The following XKR3 variants were observed in gnomAD, a reference collection of about 807,000 sequenced individuals.
XKR3 encodes the protein XK related 3.
A neutral mutation model predicts 40.3 loss-of-function variants in XKR3; 27 were observed. The observed-to-expected ratio is 0.67, with a 90% CI of 0.49 to 0.92. XKR3 has a LOEUF of 0.92. Ranked by LOEUF, XKR3 falls within the 40% of genes least tolerant of loss-of-function variation. The pLI is 0.00. For missense variants in XKR3, 472 were observed against 537.6 expected (o/e 0.88, Z 1.21); for synonymous variants, 193 against 195.4 (o/e 0.99, Z 0.10).
intron 3 of XKR3, among the ~76,000 whole-genome samples, chr22:16,795,966 CA>C (rs1278869310): frequency 2.1e-5 from 3 of 140,234 alleles, no homozygotes; most frequent in Non-Finnish European, 3.2e-5. Flanking sequence ...AACTCAGTCT[CA>C]AAAAAAAAGG....
intron 3 of XKR3, 31 bp downstream of exon 3, chr22:16,799,740 G>A (rs375886528): frequency 5.5e-5 from 88 of 1,609,904 alleles, no homozygotes; most frequent in Middle Eastern, 5.0e-4. Flanking sequence ...TGACCTTTGT[G>A]TGTCTTTCAG....
chr22:16,792,597 A>G (rs1351398520), intron 3 of XKR3, among the ~76,000 whole-genome samples: 2 of 152,210 alleles, frequency 1.3e-5, no homozygotes, highest in Non-Finnish European at 2.9e-5. Flanking sequence ...ACTGCTTCTC[A>G]TTTGGTTTGA....
At position 16,783,668 on chromosome 22, in the gene XKR3, C is replaced by A; in HGVS notation, c.1331G>T (p.Cys444Phe). Residue 444 changes from cysteine to phenylalanine, a missense_variant, in exon 4 of 4, where the codon TGC becomes TTC. Transcript: ENST00000684488. ...NKQLRNYCHS[C>F]NRVGYFSIRK... is the part of the protein sequence containing the mutation. ...GATTGAAAAATATCCAACCCTATTG[C>A]AGGAGTGACAGTAATTCCTCAGCTG... 6.2e-7 allele frequency: 1 copy of A among 1,610,260 alleles called. No individual in the cohort carries two copies. Among genetic ancestry groups the A allele is most frequent in the South Asian group, 1.1e-5 (1 of 90,266 alleles).
chr22:16,799,200 T>G (rs1302253908), intron 3 of XKR3, among the ~76,000 whole-genome samples: 2 of 151,594 alleles, frequency 1.3e-5, no homozygotes, highest in Non-Finnish European at 2.9e-5. Context: ...GATCACGAGG[T>G]CAGGAGATCG....
At chr22:16,810,351 C>A (rs2060207572) in intron 1 of XKR3, among the ~76,000 whole-genome samples, 1 of 152,188 alleles carries the variant, frequency 6.6e-6, no homozygotes, top group South Asian at 2.1e-4. Flanking sequence ...GCTGCTAAGG[C>A]ACATAAGGTC....
intron 3 of XKR3, among the ~76,000 whole-genome samples, chr22:16,786,904 G>A (rs2060092942): frequency 6.6e-6 from 1 of 152,036 alleles, no homozygotes; most frequent in South Asian, 2.1e-4. Context: ...GACAAAATAA[G>A]GTGCCAGTTG....
chr22:16,823,298 G>A (rs912848718), intron 1 of XKR3, among the ~76,000 whole-genome samples: 2 of 152,106 alleles, frequency 1.3e-5, no homozygotes, highest in African/African-American at 4.8e-5. Flanking sequence ...ATAATACATC[G>A]GCAGCAGGAA....
At chr22:16,785,446 A>G (rs1446887263) in intron 3 of XKR3, among the ~76,000 whole-genome samples, 1 of 152,238 alleles carries the variant, frequency 6.6e-6, no homozygotes, top group African/African-American at 2.4e-5. Context: ...CAACAATTAG[A>G]CAAATAAGCA....
At chr22:16,814,058 T>C (rs867313055) in intron 1 of XKR3, among the ~76,000 whole-genome samples, 8 of 152,232 alleles carry the variant, frequency 5.3e-5, no homozygotes, top group Middle Eastern at 3.2e-3. Flanking sequence ...TTCAATTTAG[T>C]TGATGTTTAT....
intron 3 of XKR3, among the ~76,000 whole-genome samples, chr22:16,789,377 CA>C (rs1227868458): frequency 2.6e-5 from 4 of 151,136 alleles, no homozygotes; most frequent in Non-Finnish European, 4.4e-5. Context: ...AAAATGTCTA[CA>C]AAAAAAACCT....
At chr22:16,785,176 G>T (rs1298950053) in intron 3 of XKR3, among the ~76,000 whole-genome samples, 1 of 152,216 alleles carries the variant, frequency 6.6e-6, no homozygotes, top group Admixed American at 6.5e-5. Flanking sequence ...AATTAGCCGG[G>T]CGTAGTGGTG....
chr22:16,797,528 C>T lies in XKR3; in HGVS notation c.589+2243G>A, dbSNP rs577050387. 1.1e-4 allele frequency among the ~76,000 whole-genome samples: 17 copies of T among 152,258 alleles called. No individual in the cohort carries two copies. The South Asian group carries it at 2.7e-3, about 24-fold the overall frequency. ...GTAAAAGTGGCCAGGCGCAGTGGCT[C>T]GCGCCTGTAATCCCAGCACTTTGGG... On this transcript the variant is annotated intron_variant, in intron 3 of 3. Transcript: ENST00000684488.
chr22:16,817,423 T>C (rs1305064154), intron 1 of XKR3, among the ~76,000 whole-genome samples: 1 of 152,146 alleles, frequency 6.6e-6, no homozygotes, highest in African/African-American at 2.4e-5. Context: ...CAGTCTTGAA[T>C]ATCACATAGG....
intron 2 of XKR3, among the ~76,000 whole-genome samples, chr22:16,802,973 C>A (rs1222577516): frequency 6.6e-6 from 1 of 152,072 alleles, no homozygotes. Flanking sequence ...GTAAGACTTT[C>A]TAAAACCTTG....
At chr22:16,793,204 G>T (rs989882126) in intron 3 of XKR3, among the ~76,000 whole-genome samples, 3 of 152,124 alleles carry the variant, frequency 2.0e-5, no homozygotes, top group Non-Finnish European at 4.4e-5. Context: ...TAGAGGCAAG[G>T]TTTCTCCATG....
chr22:16,787,739 A>C (rs1445569098), intron 3 of XKR3, among the ~76,000 whole-genome samples: 2 of 152,070 alleles, frequency 1.3e-5, no homozygotes, highest in African/African-American at 4.8e-5. Context: ...AATATAATCA[A>C]ACCAACAAAT....
At chr22:16,798,895 C>A (rs1047011024) in intron 3 of XKR3, among the ~76,000 whole-genome samples, 1 of 152,216 alleles carries the variant, frequency 6.6e-6, no homozygotes, top group African/African-American at 2.4e-5. Flanking sequence ...AAACTCCCTA[C>A]TGTGTACTAT....
chr22:16,799,406 T>G (rs945557398), intron 3 of XKR3, among the ~76,000 whole-genome samples: 8 of 24,578 alleles, frequency 3.3e-4, no homozygotes, highest in African/African-American at 2.8e-3. Context: ...AAAGTGAGAC[T>G]ATGTCTCAAA....
chr22:16,817,505 T>C (rs2060238833), intron 1 of XKR3, among the ~76,000 whole-genome samples: 1 of 152,174 alleles, frequency 6.6e-6, no homozygotes, highest in Non-Finnish European at 1.5e-5. Context: ...GATCCTAGTA[T>C]CTGTGGTCAA....
Sources: allele counts gnomAD v4.1 joint callset (sites outside exome capture counted in the v4.1 genomes callset), GRCh38; gene constraint gnomAD v4.1.1; transcripts MANE v1.5; gene names NCBI Gene and HGNC (gene_info 2026-07-23, HGNC 2026-07-21).